Variants in PANK1 observed in about 807,000 individuals in gnomAD.
The protein encoded by PANK1 is pantothenate kinase 1.
A neutral mutation model predicts 40.1 loss-of-function variants in PANK1; 18 were observed. That is an observed-to-expected ratio of 0.45 (90% CI 0.31 to 0.67). The LOEUF (loss-of-function observed/expected upper bound fraction) is 0.67. PANK1 is among the 30% of genes least tolerant of loss of function. PANK1 has a pLI of 0.06. For missense variants in PANK1, 457 were observed against 599.6 expected (o/e 0.76, Z 2.48); for synonymous variants, 242 against 237.7 (o/e 1.02, Z -0.17).
chr10:89,593,486 C>T (rs1027829883), intron 4 of PANK1, among the ~76,000 whole-genome samples, 166 bp from the exon 5 acceptor site: 13 of 151,782 alleles, frequency 8.6e-5, no homozygotes, highest in Non-Finnish European at 1.3e-4. Flanking sequence ...CATGGCTGAC[C>T]GCCCTTTTCT....
chr10:89,584,507 A>G (rs758416829), intron 6 of PANK1, 42 bp from the exon 7 acceptor site: 39 of 1,285,496 alleles, frequency 3.0e-5, no homozygotes, highest in Admixed American at 1.7e-4. Flanking sequence ...AACCTTAGCC[A>G]AATATGTATT....
intron 5 of PANK1, among the ~76,000 whole-genome samples, chr10:89,591,227 T>C (rs975253831): frequency 1.3e-5 from 2 of 151,748 alleles, no homozygotes; most frequent in Admixed American, 1.3e-4. Flanking sequence ...TATATTGTAA[T>C]ACGTACAATA....
rs1287868958 is a variant in PANK1, at chr10:89,584,356, T to C, written c.*50A>G. 3 of 1,280,366 alleles carry C rather than the reference T, an allele frequency of 2.3e-6. No homozygotes were observed. The highest frequency in any genetic ancestry group is 2.9e-5 in the African/African-American group (2 of 68,310). 79.3% of individuals were successfully genotyped at this position (1,280,366 alleles called of 1,614,324 possible). On this transcript the variant is annotated 3_prime_UTR_variant, in exon 7 of 7. Transcript: ENST00000307534. ...CGACTTTCACCTTCTCCAGCAGCAA[T>C]TTTTTAGTTCTCTGTCCTTTTGGGA...
intron 1 of PANK1, among the ~76,000 whole-genome samples, chr10:89,637,870 C>G (rs1298215406): frequency 1.3e-5 from 2 of 151,836 alleles, no homozygotes; most frequent in Non-Finnish European, 2.9e-5. Context: ...TATAGGTGTA[C>G]AAAAATATTT....
intron 1 of PANK1, among the ~76,000 whole-genome samples, chr10:89,624,709 A>T (rs1845605745): frequency 6.6e-6 from 1 of 152,198 alleles, no homozygotes; most frequent in South Asian, 2.1e-4. Context: ...AAATTTGCCT[A>T]ATCATAAAAA....
intron 3 of PANK1, among the ~76,000 whole-genome samples, chr10:89,596,361 A>C (rs1164766244): frequency 1.6e-4 from 24 of 152,228 alleles, no homozygotes; most frequent in Admixed American, 2.0e-4. Context: ...TGGCTAACTT[A>C]GAAAGAAGGT....
intron 1 of PANK1, among the ~76,000 whole-genome samples, chr10:89,623,367 A>G (rs565131493): frequency 1.3e-5 from 2 of 149,574 alleles, no homozygotes; most frequent in Admixed American, 6.6e-5. Flanking sequence ...GACTACAGGC[A>G]CCCACCACCA....
intron 1 of PANK1, among the ~76,000 whole-genome samples, chr10:89,620,542 C>T (rs770735169): frequency 3.9e-5 from 6 of 152,188 alleles, no homozygotes; most frequent in African/African-American, 9.7e-5. Context: ...TGTCTGCTCT[C>T]GAACCCTATT....
intron 1 of PANK1, 35 bp downstream of exon 1, chr10:89,644,565 C>T: frequency 6.4e-7 from 1 of 1,559,950 alleles, no homozygotes; most frequent in South Asian, 1.2e-5. Context: ...GCTGCGTCTG[C>T]CTTGCGCCCG....
intron 1 of PANK1, among the ~76,000 whole-genome samples, chr10:89,642,285 T>C (rs1044998337): frequency 3.3e-5 from 5 of 152,276 alleles, no homozygotes; most frequent in Non-Finnish European, 1.5e-5. Context: ...TTTTAATGTG[T>C]ATTGTCCTTT....
chr10:89,583,723 GA>G lies in PANK1; in HGVS notation c.*682del, dbSNP rs893836866. 5.3e-5 allele frequency: 8 copies of G among 152,112 alleles called. No homozygotes were observed. Among genetic ancestry groups the G allele is most frequent in the African/African-American group, 1.9e-4 (8 of 41,418 alleles). 9.4% of individuals were successfully genotyped at this position (152,112 alleles called of 1,614,324 possible). A position where few individuals can be genotyped will look rare whatever the true frequency, so the allele number is the denominator to read the frequency against. ...GTCTTCTCTTCACGGGCATTTTCAA[GA>G]GCTTTAGATCTTGTGCTTAACTTTG... On this transcript the variant is annotated 3_prime_UTR_variant, in exon 7 of 7. Coordinates refer to ENST00000307534, the MANE Select transcript of PANK1 (RefSeq NM_148977.3).
rs1844095296 is a variant in PANK1, at chr10:89,583,380, A to C, written c.*1026T>G. ...CATTATTAAAGATGTGTTGTTACAA[A>C]GTTCCTAGATATATACATGTACAAA... On this transcript the variant is annotated 3_prime_UTR_variant, in exon 7 of 7. Coordinates refer to ENST00000307534, the MANE Select transcript of PANK1 (RefSeq NM_148977.3). The C allele has an allele frequency of 2.0e-5, 3 of 152,326 alleles. No homozygotes were observed. Among genetic ancestry groups the C allele is most frequent in the African/African-American group, 7.2e-5 (3 of 41,574 alleles). The allele number at this position is 152,326 out of a possible 1,614,324, so 9.4% of individuals were successfully genotyped here. A position where few individuals can be genotyped will look rare whatever the true frequency, so the allele number is the denominator to read the frequency against.
At chr10:89,627,599 C>A (rs954880505) in intron 1 of PANK1, among the ~76,000 whole-genome samples, 3 of 152,188 alleles carry the variant, frequency 2.0e-5, no homozygotes, top group African/African-American at 7.2e-5. Flanking sequence ...AGCCAGCCCC[C>A]TTGGCACTTA....
At position 89,599,268 on chromosome 10, in the gene PANK1, T is replaced by C. The variant is rs1844703791; in HGVS notation, c.883A>G (p.Arg295Gly). The C allele has an allele frequency of 6.2e-7, 1 of 1,613,912 alleles. No individual in the cohort carries two copies. The highest frequency in any genetic ancestry group is 8.5e-7 in the Non-Finnish European group (1 of 1,179,926). The change falls in exon 3 of 7, where the codon AGA (arginine) becomes GGA (glycine). Residue 295 changes from arginine (R) to glycine (G), a missense_variant. By Grantham distance (125) the Arg-to-Gly change is moderately radical. Transcript: ENST00000307534. ...LAVYSKDNYK[R>G]VTGTSLGGGT... The stretch of plus-strand genomic sequence containing the variant: ...CATGTTTACCTGGTCCCTGTAACTC[T>C]TTTATAGTTGTCCTTGGAGTACACG...
chr10:89,643,935 C>T, intron 1 of PANK1: 1 of 1,246,454 alleles, frequency 8.0e-7, no homozygotes, highest in East Asian at 2.7e-5. Context: ...AACTCAACCT[C>T]CCCCTTCGTT....
At chr10:89,644,154 A>C (rs1228760987) in intron 1 of PANK1, among the ~76,000 whole-genome samples, 2 of 152,126 alleles carry the variant, frequency 1.3e-5, no homozygotes, top group Non-Finnish European at 2.9e-5. Flanking sequence ...TCTGTGATTC[A>C]AAGGGCAGGC....
At chr10:89,598,515 T>C (rs1379881911) in intron 3 of PANK1, among the ~76,000 whole-genome samples, 1 of 152,242 alleles carries the variant, frequency 6.6e-6, no homozygotes, top group Non-Finnish European at 1.5e-5. Context: ...AAATGCTTCA[T>C]ATCAAATCCT....
At chr10:89,643,732 A>C in intron 1 of PANK1, 1 of 1,613,854 alleles carries the variant, frequency 6.2e-7, no homozygotes, top group Non-Finnish European at 8.5e-7. Flanking sequence ...CATTAAAGAC[A>C]CCCACAAAGA....
intron 5 of PANK1, among the ~76,000 whole-genome samples, chr10:89,591,184 T>C (rs1231739513): frequency 6.6e-6 from 1 of 152,144 alleles, no homozygotes; most frequent in East Asian, 1.9e-4. Context: ...GAAAGATAAA[T>C]GTATCCTACA....
Sources: gnomAD v4.1 joint callset for allele counts (sites outside exome capture counted in the v4.1 genomes callset) on GRCh38, gnomAD v4.1.1 for gene constraint, MANE v1.5 for transcripts, NCBI Gene and HGNC (gene_info 2026-07-23, HGNC 2026-07-21) for gene names.